Variants in WDFY4 observed in about 807,000 individuals in gnomAD.
WDFY4 encodes the protein WD repeat- and FYVE domain-containing protein 4.
Under a neutral mutation model 351.9 loss-of-function variants are expected in WDFY4, and 169 were observed. The ratio of observed to expected loss-of-function variants is 0.48; its 90% CI spans 0.42 to 0.55. WDFY4 has a LOEUF of 0.55. Among genes scored for constraint, WDFY4 ranks in the 20% least tolerant of loss-of-function variants. The pLI is 0.00. For missense variants in WDFY4, 3,803 were observed against 3,935.6 expected, an observed-to-expected ratio of 0.97 and a Z score of 0.90; for synonymous variants, 1,622 against 1,574.6, an observed-to-expected ratio of 1.03 and a Z score of -0.71.
At chr10:48,870,562 A>G (rs540586909) in intron 40 of WDFY4, among the ~76,000 whole-genome samples, 67 of 151,990 alleles carry the variant, frequency 4.4e-4, no homozygotes, top group African/African-American at 1.5e-3. Flanking sequence ...CTCTGAAAAA[A>G]AAAAAAAAAA....
chr10:48,720,206 C>G, intron 3 of WDFY4, 81 bp downstream of exon 3: 4 of 1,401,024 alleles, frequency 2.9e-6, no homozygotes, highest in South Asian at 2.6e-5. Context: ...TCAGGCCCCC[C>G]TCTGCTTTCG....
At chr10:48,801,294 A>G (rs2132839408) in intron 24 of WDFY4, among the ~76,000 whole-genome samples, 1 of 152,338 alleles carries the variant, frequency 6.6e-6, no homozygotes, top group Non-Finnish European at 1.5e-5. Flanking sequence ...GGGTGTGGCA[A>G]CTTATTATTG....
At chr10:48,768,566 C>T (rs2065750846) in intron 13 of WDFY4, among the ~76,000 whole-genome samples, 1 of 152,148 alleles carries the variant, frequency 6.6e-6, no homozygotes, top group South Asian at 2.1e-4. Flanking sequence ...TCTGTCAGCC[C>T]TCTGGGTTAG....
intron 47 of WDFY4, chr10:48,913,997 G>C: frequency 6.2e-7 from 1 of 1,614,176 alleles, no homozygotes; most frequent in Admixed American, 1.7e-5. Context: ...GGTCCAGCTC[G>C]TCCATGTCAC....
At position 48,974,981 on chromosome 10, in the gene WDFY4, C is replaced by T. The variant is rs570371127; in HGVS notation, c.9048C>T (p.His3016=). The T allele has an allele frequency of 5.0e-5, 78 of 1,551,688 alleles. No homozygotes were observed. Among genetic ancestry groups the T allele is most frequent in the East Asian group, 4.2e-4 (17 of 40,924 alleles). Residue 3016 remains histidine (H), a synonymous_variant, in exon 58 of 62, where the codon CAC becomes CAT. Coordinates refer to ENST00000325239, the MANE Select transcript of WDFY4 (RefSeq NM_001394531.1). Reference sequence around the variant, plus strand: ...TGTGGGATCTGGACCACCTCACCCACGTGACCCGCCTGCCCGCCCATCGGG... The same window carrying T: ...TGTGGGATCTGGACCACCTCACCCATGTGACCCGCCTGCCCGCCCATCGGG... ...CILWDLDHLT[H]VTRLPAHREG...
At position 48,726,480 on chromosome 10, in the gene WDFY4, G is replaced by A. The variant is rs949998721; in HGVS notation, c.781+410G>A. On this transcript the variant is annotated intron_variant, in intron 6 of 61. Transcript: ENST00000325239. Reference sequence around the variant, plus strand: ...TTTTTCAAGGCTATTCACCTAGTTAGGAAGAGAATGCACTTTCAAACTTAA... The same window carrying A: ...TTTTTCAAGGCTATTCACCTAGTTAAGAAGAGAATGCACTTTCAAACTTAA... Among the ~76,000 whole-genome samples the A allele has an allele frequency of 3.9e-5, 6 of 152,188 alleles. No homozygotes were observed. In the East Asian group the frequency reaches 9.6e-4, roughly 24 times the overall value.
chr10:48,736,041 G>A lies in WDFY4; in HGVS notation c.1849G>A (p.Glu617Lys). Reference sequence around the variant, plus strand: ...TGCTCTATGCTCATCCACTCAAGGGGAGCTGCAGCTGAAACTGGATCTCCT... The same window carrying A: ...TGCTCTATGCTCATCCACTCAAGGGAAGCTGCAGCTGAAACTGGATCTCCT... ...VGALCSSTQG[E>K]LQLKLDLLKS... Residue 617 changes from glutamate (E) to lysine (K), a missense_variant, in exon 11 of 62, where the codon GAG becomes AAG. Coordinates refer to ENST00000325239, the MANE Select transcript of WDFY4 (RefSeq NM_001394531.1). 1 of 1,551,792 alleles carries A rather than the reference G, an allele frequency of 6.4e-7. No homozygotes were observed. Among genetic ancestry groups the A allele is most frequent in the Non-Finnish European group, 8.7e-7 (1 of 1,146,998 alleles).
intron 56 of WDFY4, 69 bp downstream of exon 56, chr10:48,969,317 G>T: frequency 6.6e-7 from 1 of 1,523,182 alleles, no homozygotes; most frequent in Non-Finnish European, 8.8e-7. Context: ...GGCAGAGATG[G>T]CCCAGAGATA....
chr10:48,859,580 T>G (rs1338086465), intron 39 of WDFY4, among the ~76,000 whole-genome samples: 3 of 152,196 alleles, frequency 2.0e-5, no homozygotes, highest in Non-Finnish European at 2.9e-5. Context: ...ACTTGGCCAT[T>G]GTATATTAGT....
intron 47 of WDFY4, among the ~76,000 whole-genome samples, chr10:48,931,079 A>G (rs988757914): frequency 6.6e-5 from 8 of 121,086 alleles, no homozygotes; most frequent in African/African-American, 2.4e-4. Context: ...ACACACATGC[A>G]TGCACACTCA....
chr10:48,719,866 G>T, intron 2 of WDFY4, 145 bp from the exon 3 acceptor site: 2 of 659,504 alleles, frequency 3.0e-6, no homozygotes, highest in South Asian at 3.5e-5. Context: ...GGCTGTGAGG[G>T]TGGGTGACGT....
chr10:48,840,147 TTC>T (rs1308223256), intron 39 of WDFY4, among the ~76,000 whole-genome samples: 2 of 152,180 alleles, frequency 1.3e-5, no homozygotes, highest in African/African-American at 2.4e-5. Context: ...CCTCAAAAGT[TTC>T]TGTTTTCACT....
At chr10:48,881,134 G>A (rs575675561) in intron 43 of WDFY4, among the ~76,000 whole-genome samples, 1 of 152,368 alleles carries the variant, frequency 6.6e-6, no homozygotes, top group East Asian at 1.9e-4. Flanking sequence ...TGAGGAGGCA[G>A]CTCTCAGTCT....
At chr10:48,780,321 G>T (rs183031549) in intron 19 of WDFY4, among the ~76,000 whole-genome samples, 1 of 152,220 alleles carries the variant, frequency 6.6e-6, no homozygotes, top group South Asian at 2.1e-4. Flanking sequence ...TTTAGAAAAT[G>T]CATTGAAGGT....
chr10:48,782,569 A>G (rs566282327), intron 19 of WDFY4, among the ~76,000 whole-genome samples: 9 of 152,354 alleles, frequency 5.9e-5, no homozygotes, highest in African/African-American at 1.9e-4. Context: ...GCCAAGACTG[A>G]CAGAGTGCGC....
intron 13 of WDFY4, among the ~76,000 whole-genome samples, chr10:48,772,380 T>C (rs1465502484): frequency 6.6e-6 from 1 of 152,062 alleles, no homozygotes; most frequent in African/African-American, 2.4e-5. Flanking sequence ...TGGACACATG[T>C]GCGTGTACCT....
chr10:48,913,449 A>T, intron 47 of WDFY4: 1 of 1,613,260 alleles, frequency 6.2e-7, no homozygotes, highest in Non-Finnish European at 8.5e-7. Context: ...ATTGGGAAAG[A>T]TGGTCTTTCT....
chr10:48,774,194 C>T (rs565524056), intron 13 of WDFY4, among the ~76,000 whole-genome samples: 29 of 152,316 alleles, frequency 1.9e-4, no homozygotes, highest in Admixed American at 7.2e-4. Flanking sequence ...GGCATGTGGC[C>T]TCCATCTTTA....
chr10:48,952,903 G>A (rs1198837565), intron 51 of WDFY4, among the ~76,000 whole-genome samples: 1 of 152,172 alleles, frequency 6.6e-6, no homozygotes, highest in Non-Finnish European at 1.5e-5. Context: ...TTTTCCTGCA[G>A]AGGCTCAGAG....
Sources: gnomAD v4.1 joint callset for allele counts (sites outside exome capture counted in the v4.1 genomes callset) on GRCh38, gnomAD v4.1.1 for gene constraint, MANE v1.5 for transcripts, NCBI Gene and HGNC (gene_info 2026-07-23, HGNC 2026-07-21) for gene names.